The following PRR5 variants were observed in gnomAD, a reference collection of about 807,000 sequenced individuals.
PRR5 encodes the protein proline rich 5.
A neutral mutation model predicts 30.6 loss-of-function variants in PRR5; 25 were observed. The observed-to-expected ratio is 0.82, with a 90% CI of 0.60 to 1.14. PRR5 has a LOEUF of 1.14. Ranked by LOEUF, PRR5 falls within the 50% of genes most tolerant of loss-of-function variation. The pLI is 0.00. For synonymous variants in PRR5, 286 were observed against 247.1 expected (o/e 1.16, Z -1.48); for missense variants, 600 against 547.1 (o/e 1.10, Z -0.96).
intron 2 of PRR5, among the ~76,000 whole-genome samples, chr22:44,716,868 CT>C (rs1208210556): frequency 6.6e-6 from 1 of 152,224 alleles, no homozygotes; most frequent in African/African-American, 2.4e-5. Context: ...CAAAACCAGC[CT>C]GGGCAACATG....
At chr22:44,710,902 G>C (rs1928109075) in intron 1 of PRR5, among the ~76,000 whole-genome samples, 1 of 152,134 alleles carries the variant, frequency 6.6e-6, no homozygotes, top group Non-Finnish European at 1.5e-5. Context: ...GGGCAGGGCA[G>C]GGCGTGCTGA....
intron 1 of PRR5, among the ~76,000 whole-genome samples, chr22:44,688,946 C>T (rs1924999424): frequency 6.6e-6 from 1 of 152,112 alleles, no homozygotes; most frequent in South Asian, 2.1e-4. Flanking sequence ...CGAGATCACT[C>T]CACCGCACTC....
chr22:44,718,193 T>TC (rs992316035), intron 2 of PRR5, among the ~76,000 whole-genome samples: 11 of 13,690 alleles, frequency 8.0e-4, no homozygotes, highest in South Asian at 3.1e-3. Flanking sequence ...TTCATCTCTC[T>TC]TTTTTTTTTT....
Position 44,732,294 on chromosome 22 carries a change from G to T in PRR5, c.458G>T (p.Arg153Leu). 6.2e-7 allele frequency: 1 copy of T among 1,612,334 alleles called. No individual in the cohort carries two copies. Among genetic ancestry groups the T allele is most frequent in the Non-Finnish European group, 8.5e-7 (1 of 1,179,964 alleles). ...SVRQLALLHF[R>L]NAITLSVKLE... ...CGCCAGCTGGCCCTGCTGCACTTCCGGAATGCCATCACCCTCAGTGTGAAG... is the reference window on the plus strand; with the variant it reads ...CGCCAGCTGGCCCTGCTGCACTTCCTGAATGCCATCACCCTCAGTGTGAAG... Residue 153 changes from arginine to leucine, a missense_variant, in exon 6 of 8, where the codon CGG becomes CTG. Physicochemically the swap from Arg to Leu is moderately radical, Grantham distance 102 (BLOSUM62 -2). Transcript: ENST00000336985.
chr22:44,709,073 G>T (rs990937320), intron 1 of PRR5, among the ~76,000 whole-genome samples: 1 of 147,106 alleles, frequency 6.8e-6, no homozygotes, highest in Non-Finnish European at 1.5e-5. Flanking sequence ...CCGGGAGCAC[G>T]TGCTCATGGG....
intron 1 of PRR5, among the ~76,000 whole-genome samples, chr22:44,684,504 G>T (rs555447863): frequency 6.6e-6 from 1 of 152,168 alleles, no homozygotes; most frequent in Non-Finnish European, 1.5e-5. Flanking sequence ...CCGAGATCGC[G>T]CCATTGTACT....
chr22:44,715,560 ACC>A (rs1173643397), intron 2 of PRR5, among the ~76,000 whole-genome samples: 4 of 151,000 alleles, frequency 2.6e-5, no homozygotes, highest in Non-Finnish European at 5.9e-5. Context: ...TATCTGGCCC[ACC>A]CCTGGGTGGG....
At position 44,737,479 on chromosome 22, in the gene PRR5, G is replaced by T; in HGVS notation, c.*232G>T. 2.3e-6 allele frequency: 2 copies of T among 853,426 alleles called. No homozygotes were observed. Among genetic ancestry groups the T allele is most frequent in the Non-Finnish European group, 3.4e-6 (2 of 596,292 alleles). The allele number at this position is 853,426 out of a possible 1,614,324, so 52.9% of individuals were successfully genotyped here. On this transcript the variant is annotated 3_prime_UTR_variant, in exon 8 of 8. Coordinates refer to ENST00000336985, the MANE Select transcript of PRR5 (RefSeq NM_181333.4). Reference sequence around the variant, plus strand: ...TGAGTCGGCGTTTACCCAGGGGCCGGGCCAGAGACGGGGGTCGGCCGCTCG... The same window carrying T: ...TGAGTCGGCGTTTACCCAGGGGCCGTGCCAGAGACGGGGGTCGGCCGCTCG...
intron 2 of PRR5, among the ~76,000 whole-genome samples, chr22:44,715,175 C>T (rs1196004685): frequency 6.6e-6 from 1 of 152,160 alleles, no homozygotes; most frequent in Admixed American, 6.5e-5. Context: ...ACCCGACAAG[C>T]TGCTGCCCCA....
chr22:44,721,851 G>C (rs1233322580), intron 2 of PRR5, among the ~76,000 whole-genome samples: 2 of 152,226 alleles, frequency 1.3e-5, no homozygotes, highest in African/African-American at 4.8e-5. Flanking sequence ...ACGCCCTCGG[G>C]TTCAGCCTCA....
At chr22:44,676,390 C>CAAAAAAAAAAAA (rs59016907), upstream of PRR5, among the ~76,000 whole-genome samples, 12 of 37,058 alleles carry the variant, frequency 3.2e-4, no homozygotes, top group East Asian at 2.0e-3. Flanking sequence ...GACCCTGTCT[C>CAAAAAAAAAAAA]AAAAAAAAAA....
Position 44,702,496 on chromosome 22 carries a change from A to C in PRR5, c.22A>C (p.Lys8Gln), listed in dbSNP as rs1926482823. The C allele has an allele frequency of 1.4e-6, 2 of 1,466,782 alleles. No individual in the cohort carries two copies. The highest frequency in any genetic ancestry group is 1.8e-6 in the Non-Finnish European group (2 of 1,106,962). 90.9% of individuals were successfully genotyped at this position (1,466,782 alleles called of 1,614,324 possible). Residue 8 changes from lysine to glutamine, a missense_variant, in exon 1 of 8, where the codon AAG (lysine) becomes CAG (glutamine). Transcript: ENST00000336985. MRTLRRL[K>Q]FMSSPSLSDL... ...CACCATGAGGACTCTCCGCAGGTTG[A>C]AGTTCATGAGTTCGCCCAGCCTCAG...
At chr22:44,709,448 T>C (rs1218138138) in intron 1 of PRR5, among the ~76,000 whole-genome samples, 6 of 152,090 alleles carry the variant, frequency 3.9e-5, no homozygotes, top group South Asian at 2.1e-4. Flanking sequence ...AGCCAAAGAA[T>C]GTGGGCACCT....
chr22:44,702,619 G>T lies in PRR5; in HGVS notation c.134+11G>T. On this transcript the variant is annotated intron_variant, in intron 1 of 7. Transcript: ENST00000336985. ...CGCCACCTGGAACAGGTAAGGCCGCGCCCTCCCGGCCACCCGGAGGCCCTG... is the reference window on the plus strand; with the variant it reads ...CGCCACCTGGAACAGGTAAGGCCGCTCCCTCCCGGCCACCCGGAGGCCCTG... 7.8e-7 allele frequency: 1 copy of T among 1,285,558 alleles called. No individual in the cohort carries two copies. The allele number at this position is 1,285,558 out of a possible 1,614,324, so 79.6% of individuals were successfully genotyped here.
At chr22:44,731,568 G>A (rs1243881190) in intron 4 of PRR5, 162 bp from the exon 5 acceptor site, 7 of 674,280 alleles carry the variant, frequency 1.0e-5, no homozygotes, top group Admixed American at 2.3e-5. Context: ...CAGGGCCATA[G>A]AACAGCTGAG....
intron 1 of PRR5, among the ~76,000 whole-genome samples, chr22:44,712,404 T>C (rs16992630): frequency 0.086 from 13,146 of 152,164 alleles, 752 homozygotes; most frequent in East Asian, 0.26. Flanking sequence ...CCTCGAAGCA[T>C]GTGGGATATG....
chr22:44,720,673 C>G (rs1021522834), intron 2 of PRR5, among the ~76,000 whole-genome samples: 3 of 152,190 alleles, frequency 2.0e-5, no homozygotes, highest in African/African-American at 7.2e-5. Flanking sequence ...CTGAACTGGC[C>G]ACTCATCCTC....
chr22:44,732,108 G>A (rs1922106719), intron 5 of PRR5, 143 bp from the exon 6 acceptor site: 2 of 1,342,068 alleles, frequency 1.5e-6, no homozygotes, highest in African/African-American at 1.4e-5. Context: ...TCTATCCTTG[G>A]GACGGGGTCA....
chr22:44,702,164 GCCGAGACCCGCCCCTGGGCCCGCCC>G, upstream of PRR5: 1 of 501,148 alleles, frequency 2.0e-6, no homozygotes, highest in Non-Finnish European at 2.6e-6. Context: ...CCCCCGGGGC[GCCGAGACCCGCCCCTGGGCCCGCCC>G]CCGGGTCCGC....
Sources: allele counts gnomAD v4.1 joint callset (sites outside exome capture counted in the v4.1 genomes callset), GRCh38; gene constraint gnomAD v4.1.1; transcripts MANE v1.5; gene names NCBI Gene and HGNC (gene_info 2026-07-23, HGNC 2026-07-21).